The following TXLNB variants were observed in gnomAD, a reference collection of about 807,000 sequenced individuals.
TXLNB encodes taxilin beta, also known as beta-taxilin.
Under a neutral mutation model 57.4 loss-of-function variants are expected in TXLNB, and 37 were observed. That is an observed-to-expected ratio of 0.64 (90% CI 0.50 to 0.85). The LOEUF is 0.85. Ranked by LOEUF, TXLNB falls within the 40% of genes least tolerant of loss-of-function variation. The pLI, the probability that TXLNB is intolerant of heterozygous loss-of-function variation, is 0.00. For synonymous variants in TXLNB, 302 were observed against 309.6 expected (o/e 0.98, Z 0.26); for missense variants, 848 against 825.6 (o/e 1.03, Z -0.33).
In TXLNB at chr6:139,276,455, T is replaced by G. The variant is rs117488914; in HGVS notation, c.516+375A>C. Among the ~76,000 whole-genome samples the G allele has an allele frequency of 6.6e-5, 10 of 152,370 alleles. No homozygotes were observed. In the East Asian group the frequency reaches 1.9e-3, roughly 29 times the overall value. ...AAAAGGAGCTAGTGAGGTGCTAACA[T>G]GCGAGAATTAACCCAGTGATTCTGG... On this transcript the variant is annotated intron_variant, in intron 3 of 9. Coordinates refer to ENST00000358430, the MANE Select transcript of TXLNB (RefSeq NM_153235.4).
At chr6:139,263,696 TA>T (rs139255743) in intron 4 of TXLNB, among the ~76,000 whole-genome samples, 2,277 of 152,320 alleles carry the variant, frequency 0.015, 57 homozygotes, top group African/African-American at 0.052. Flanking sequence ...TCTTTTTGAA[TA>T]AAAGGGTTTA....
Position 139,243,007 on chromosome 6 carries a change from G to A in TXLNB, c.1574C>T (p.Pro525Leu). The change falls in exon 10 of 10, where the codon CCC becomes CTC. Residue 525 changes from proline (P) to leucine (L), a missense_variant. By Grantham distance (98) the Pro-to-Leu change is moderately conservative. Transcript: ENST00000358430. ...ACTCTCCTGAGAACTGCCTATTTCGGGTTGGGTTTCTTTGGACTGGTGCGG... is the reference window on the plus strand; with the variant it reads ...ACTCTCCTGAGAACTGCCTATTTCGAGTTGGGTTTCTTTGGACTGGTGCGG... The part of the protein sequence containing the change: ...STPHQSKETQ[P>L]EIGSSQESAD... The A allele has an allele frequency of 1.9e-6, 3 of 1,614,100 alleles. No individual in the cohort carries two copies. The highest frequency in any genetic ancestry group is 2.5e-6 in the Non-Finnish European group (3 of 1,180,020).
chr6:139,253,713 G>A (rs934544060), intron 7 of TXLNB, among the ~76,000 whole-genome samples: 2 of 152,124 alleles, frequency 1.3e-5, no homozygotes, highest in African/African-American at 4.8e-5. Context: ...GTATTGTACA[G>A]GTCATTAAAG....
chr6:139,197,707 G>C, the TXLNB span: 4 of 152,210 alleles, frequency 2.6e-5, no homozygotes, highest in Non-Finnish European at 1.5e-5. Flanking sequence ...CCTGAGACTG[G>C]ATAATTCATA....
Position 139,243,176 on chromosome 6 carries a change from G to C in TXLNB, c.1405C>G (p.Gln469Glu). 6.2e-7 allele frequency: 1 copy of C among 1,614,046 alleles called. No individual in the cohort carries two copies. The highest frequency in any genetic ancestry group is 8.5e-7 in the Non-Finnish European group (1 of 1,179,988). Residue 469 changes from glutamine (Q) to glutamate (E), a missense_variant, in exon 10 of 10, where the codon CAA becomes GAA. By Grantham distance (29) the Gln-to-Glu change is conservative. Coordinates refer to ENST00000358430, the MANE Select transcript of TXLNB (RefSeq NM_153235.4). Reference sequence around the variant, plus strand: ...TCTTCATCGGAGTTGTGCTGACTTTGGTCATCCTTTTCAGATATTTCTGCG... The same window carrying C: ...TCTTCATCGGAGTTGTGCTGACTTTCGTCATCCTTTTCAGATATTTCTGCG... ...RDAEISEKDDQSQHNSDEEPE... is the reference protein window; with the variant it reads ...RDAEISEKDDESQHNSDEEPE...
the TXLNB span, among the ~76,000 whole-genome samples, chr6:139,307,961 A>G: frequency 6.6e-6 from 1 of 151,592 alleles, no homozygotes; most frequent in Non-Finnish European, 1.5e-5. Context: ...GACACTTCCC[A>G]GGAGTAGTAT....
the TXLNB span, among the ~76,000 whole-genome samples, chr6:139,232,459 C>T: frequency 6.6e-6 from 1 of 152,206 alleles, no homozygotes; most frequent in African/African-American, 2.4e-5. Flanking sequence ...TATTTAATCT[C>T]ATGACTTCAG....
At chr6:139,166,806 C>G in the TXLNB span, 4 of 1,613,632 alleles carry the variant, frequency 2.5e-6, no homozygotes, top group Non-Finnish European at 3.4e-6. Context: ...GCCCGTTCCC[C>G]CGGTGGCTCC....
the TXLNB span, among the ~76,000 whole-genome samples, chr6:139,305,815 C>T: frequency 6.6e-6 from 1 of 152,226 alleles, no homozygotes; most frequent in Non-Finnish European, 1.5e-5. Flanking sequence ...GGAAAGGATC[C>T]AGATCCTCCA....
the TXLNB span, chr6:139,201,675 C>T: frequency 6.6e-6 from 1 of 152,194 alleles, no homozygotes; most frequent in African/African-American, 2.4e-5. Context: ...TACATTTTAC[C>T]TATTTCCGCT....
At chr6:139,269,652 T>G (rs1776708333) in intron 4 of TXLNB, among the ~76,000 whole-genome samples, 2 of 152,238 alleles carry the variant, frequency 1.3e-5, no homozygotes, top group Admixed American at 6.5e-5. Context: ...TTGAAGTATC[T>G]CCTTTTAAAC....
chr6:139,161,215 C>T, the TXLNB span, among the ~76,000 whole-genome samples: 1 of 152,200 alleles, frequency 6.6e-6, no homozygotes, highest in Non-Finnish European at 1.5e-5. Context: ...TTTTGCCTGT[C>T]TCCCTGGGAG....
At chr6:139,176,390 G>A in the TXLNB span, among the ~76,000 whole-genome samples, 1 of 152,182 alleles carries the variant, frequency 6.6e-6, no homozygotes, top group Non-Finnish European at 1.5e-5. The surrounding 1 kb of genome is among the most constrained non-coding windows in gnomAD (Gnocchi z 4.5). Context: ...ATTCACTTAA[G>A]TCCTGGACCC....
the TXLNB span, among the ~76,000 whole-genome samples, chr6:139,199,426 C>T: frequency 6.6e-6 from 1 of 152,094 alleles, no homozygotes; most frequent in Non-Finnish European, 1.5e-5. Context: ...TGGGTTTGGC[C>T]CTGGGGTCCA....
In TXLNB at chr6:139,281,839, C is replaced by T. The variant is rs1413091508; in HGVS notation, c.425-4918G>A. On this transcript the variant is annotated intron_variant, in intron 2 of 9. Coordinates refer to ENST00000358430, the MANE Select transcript of TXLNB (RefSeq NM_153235.4). ...CTGGGATTCCAGGCGTGAGCCACCGCGCCCGGCCCTGGAGTTCTTATTAGG... is the reference window on the plus strand; with the variant it reads ...CTGGGATTCCAGGCGTGAGCCACCGTGCCCGGCCCTGGAGTTCTTATTAGG... Among the ~76,000 whole-genome samples, 2 of 115,230 alleles carry T rather than the reference C, an allele frequency of 1.7e-5. 1 individual carries two copies. Among genetic ancestry groups the T allele is most frequent in the Non-Finnish European group, 3.3e-5 (2 of 60,892 alleles). 75.6% of individuals were successfully genotyped at this position (115,230 alleles called of 152,430 possible).
At chr6:139,196,039 A>G in the TXLNB span, among the ~76,000 whole-genome samples, 2 of 152,132 alleles carry the variant, frequency 1.3e-5, no homozygotes, top group Non-Finnish European at 2.9e-5. Context: ...CTCAAAAATA[A>G]CATTGAAAAT....
At chr6:139,167,900 T>G in the TXLNB span, among the ~76,000 whole-genome samples, 189 of 152,232 alleles carry the variant, frequency 1.2e-3, no homozygotes, top group Middle Eastern at 3.4e-3. Flanking sequence ...ATATAAGGAT[T>G]TGGTACATTT....
At chr6:139,250,357 CTTTTTTTT>C (rs61441759) in intron 7 of TXLNB, among the ~76,000 whole-genome samples, 226 of 118,892 alleles carry the variant, frequency 1.9e-3, no homozygotes, top group African/African-American at 6.9e-3. Context: ...TTCTTTCTTT[CTTTTTTTT>C]TTTTTTTTTT....
At chr6:139,257,594 G>A (rs994922582) in intron 6 of TXLNB, among the ~76,000 whole-genome samples, 1 of 152,132 alleles carries the variant, frequency 6.6e-6, no homozygotes, top group African/African-American at 2.4e-5. Flanking sequence ...CGGTCAGTGC[G>A]TTTTACAGAG....
Sources: gnomAD v4.1 joint callset for allele counts (sites outside exome capture counted in the v4.1 genomes callset) on GRCh38, gnomAD v4.1.1 for gene constraint, Gnocchi (gnomAD v3.1) non-coding constraint, MANE v1.5 for transcripts, NCBI Gene and HGNC (gene_info 2026-07-23, HGNC 2026-07-21) for gene names.